Variants in FTO observed in about 807,000 individuals in gnomAD.
The protein encoded by FTO is alpha-ketoglutarate-dependent dioxygenase FTO.
In FTO, 47 loss-of-function variants were observed where a neutral mutation model predicts 63.9. The ratio of observed to expected loss-of-function variants is 0.74; its 90% confidence interval spans 0.58 to 0.94. The LOEUF is 0.94. Ranked by LOEUF, FTO falls within the 40% of genes least tolerant of loss-of-function variation. The pLI is 0.00. For synonymous variants in FTO, 207 were observed against 224.4 expected, an observed-to-expected ratio of 0.92 and a Z score of 0.69; for missense variants, 562 against 618.1, an observed-to-expected ratio of 0.91 and a Z score of 0.96.
chr16:53,892,881 G>A (rs1159961415), intron 7 of FTO, among the ~76,000 whole-genome samples: 2 of 152,010 alleles, frequency 1.3e-5, no homozygotes, highest in Non-Finnish European at 2.9e-5. Flanking sequence ...CTTTGAAATC[G>A]CTTTTCTTCC....
intron 8 of FTO, among the ~76,000 whole-genome samples, chr16:54,052,112 G>A (rs770708066): frequency 2.6e-5 from 4 of 152,230 alleles, no homozygotes; most frequent in Middle Eastern, 6.8e-3. Flanking sequence ...TGGATCATTC[G>A]TGTCTTATAC....
chr16:53,837,149 A>G (rs968025181), intron 3 of FTO, among the ~76,000 whole-genome samples: 2 of 152,182 alleles, frequency 1.3e-5, no homozygotes, highest in Non-Finnish European at 2.9e-5. Context: ...TAATATAGTG[A>G]TTTTGAAGCT....
At chr16:53,780,691 C>T (rs1005136081) in intron 1 of FTO, among the ~76,000 whole-genome samples, 12 of 152,138 alleles carry the variant, frequency 7.9e-5, no homozygotes, top group Non-Finnish European at 1.6e-4. Flanking sequence ...ATTTTATTTT[C>T]ATTAAATCGC....
At chr16:53,971,787 T>C (rs1287828510) in intron 8 of FTO, among the ~76,000 whole-genome samples, 2 of 152,210 alleles carry the variant, frequency 1.3e-5, no homozygotes, top group African/African-American at 2.4e-5. Context: ...CTCTTTTGTG[T>C]CTGGTGAACC....
chr16:53,808,537 A>G (rs2078431315), intron 1 of FTO, among the ~76,000 whole-genome samples: 1 of 152,132 alleles, frequency 6.6e-6, no homozygotes, highest in Admixed American at 6.5e-5. Context: ...TTAGGTAATG[A>G]TACAAAAAAG....
At chr16:53,817,278 T>C (rs535157158) in intron 2 of FTO, among the ~76,000 whole-genome samples, 10 of 152,194 alleles carry the variant, frequency 6.6e-5, no homozygotes, top group Non-Finnish European at 1.3e-4. Flanking sequence ...TGTGGCAGAG[T>C]CTGAACAGTG....
chr16:54,022,837 T>G lies in FTO; in HGVS notation c.1364+88728T>G, dbSNP rs113206607. ...TTGCAGTTTGCAACTTACAGTACAG[T>G]GTGTCCAACATCAATCTTAATAGTG... On this transcript the variant is annotated intron_variant, in intron 8 of 8. Coordinates refer to ENST00000471389, the MANE Select transcript of FTO (RefSeq NM_001080432.3). 7.4e-3 allele frequency among the ~76,000 whole-genome samples: 1,123 copies of G among 152,350 alleles called. 6 individuals carry two copies. The highest frequency in any genetic ancestry group is 0.011 in the Non-Finnish European group (776 of 68,036).
chr16:54,089,886 T>G (rs1439414108), intron 8 of FTO, among the ~76,000 whole-genome samples: 1 of 147,046 alleles, frequency 6.8e-6, no homozygotes, highest in African/African-American at 2.5e-5. Context: ...GAAAAGAAAA[T>G]AACAAGGCAA....
At chr16:53,831,469 A>G (rs2079144417) in intron 3 of FTO, among the ~76,000 whole-genome samples, 1 of 152,168 alleles carries the variant, frequency 6.6e-6, no homozygotes, top group African/African-American at 2.4e-5. Flanking sequence ...GGGGGAAAAA[A>G]CTTATTTGAT....
intron 4 of FTO, among the ~76,000 whole-genome samples, chr16:53,862,835 A>T (rs1041811543): frequency 8.5e-5 from 13 of 152,080 alleles, no homozygotes; most frequent in African/African-American, 3.1e-4. Flanking sequence ...GTGAGCCACC[A>T]TGCCCAGCCT....
At chr16:53,802,716 G>C (rs1194538963) in intron 1 of FTO, among the ~76,000 whole-genome samples, 1 of 152,022 alleles carries the variant, frequency 6.6e-6, no homozygotes, top group Non-Finnish European at 1.5e-5. Flanking sequence ...GCTCACTGAT[G>C]CTCTGTTAAC....
At chr16:53,839,239 A>T (rs1256247605) in intron 3 of FTO, among the ~76,000 whole-genome samples, 1 of 152,154 alleles carries the variant, frequency 6.6e-6, no homozygotes, top group Non-Finnish European at 1.5e-5. Flanking sequence ...GGGAGCTGGG[A>T]GCTGGGAGTG....
chr16:53,931,446 A>G (rs1413437216), intron 7 of FTO, among the ~76,000 whole-genome samples: 2 of 151,838 alleles, frequency 1.3e-5, no homozygotes, highest in African/African-American at 4.8e-5. Context: ...AGCTGGGATT[A>G]TAGACGCCTG....
chr16:53,771,860 G>T lies in FTO; in HGVS notation c.46-38280G>T, dbSNP rs376727264. Among the ~76,000 whole-genome samples, 312 of 152,204 alleles carry T rather than the reference G, an allele frequency of 2.0e-3. 12 individuals are homozygous for T. The South Asian group carries it at 0.062, about 30-fold the overall frequency. ...CATATGCTCCGTAAAAGAAGCCAGT[G>T]ACAAAAGGCCACATATTACATGATT... On this transcript the variant is annotated intron_variant, in intron 1 of 8. Transcript: ENST00000471389.
At chr16:53,985,018 T>C in intron 8 of FTO, 1 of 455,872 alleles carries the variant, frequency 2.2e-6, no homozygotes, top group Non-Finnish European at 4.4e-6. Flanking sequence ...AGGTGAAGTT[T>C]AGTTTAAAAC....
intron 7 of FTO, among the ~76,000 whole-genome samples, chr16:53,906,930 G>C (rs1330823376): frequency 6.6e-6 from 1 of 152,118 alleles, no homozygotes; most frequent in African/African-American, 2.4e-5. Context: ...TCTTACCTTT[G>C]AAATACCTCT....
intron 8 of FTO, among the ~76,000 whole-genome samples, chr16:54,086,914 G>A (rs2086265313): frequency 6.6e-6 from 1 of 152,232 alleles, no homozygotes; most frequent in Admixed American, 6.5e-5. Context: ...AAGGAGTTCA[G>A]TGGGCTGCCG....
intron 6 of FTO, among the ~76,000 whole-genome samples, chr16:53,886,538 C>G (rs542146614): frequency 2.0e-5 from 3 of 152,296 alleles, no homozygotes; most frequent in Admixed American, 6.5e-5. Context: ...TCAAAGTACT[C>G]AAGGTTACAT....
chr16:53,988,364 C>A (rs552285200), intron 8 of FTO, among the ~76,000 whole-genome samples: 1 of 152,220 alleles, frequency 6.6e-6, no homozygotes, highest in South Asian at 2.1e-4. Flanking sequence ...GAGGAGCCAG[C>A]TTTATTTTTT....
Sources: gnomAD v4.1 joint callset for allele counts (sites outside exome capture counted in the v4.1 genomes callset) on GRCh38, gnomAD v4.1.1 for gene constraint, MANE v1.5 for transcripts, NCBI Gene and HGNC (gene_info 2026-07-23, HGNC 2026-07-21) for gene names.